Variants in NRG1 observed in about 807,000 individuals in gnomAD.
NRG1 encodes neuregulin 1.
Under a neutral mutation model 63.8 loss-of-function variants are expected in NRG1, and 18 were observed. That is an observed-to-expected ratio of 0.28 (90% confidence interval 0.19 to 0.42). The LOEUF is 0.42. NRG1 is among the 10% of genes least tolerant of loss of function. The pLI, the probability that NRG1 is intolerant of heterozygous loss-of-function variation, is 1.00. For synonymous variants in NRG1, 302 were observed against 301.3 expected (o/e 1.00, Z -0.02); for missense variants, 762 against 814.7 (o/e 0.94, Z 0.79).
chr8:32,705,132 A>AT (rs751755810), intron 5 of NRG1, among the ~76,000 whole-genome samples: 25,864 of 139,964 alleles, frequency 0.18, 2,595 homozygotes, highest in Non-Finnish European at 0.22. Context: ...GTGACAATGA[A>AT]TTTTTTTTTT....
intron 1 of NRG1, among the ~76,000 whole-genome samples, chr8:31,795,773 C>T (rs533371133): frequency 6.9e-4 from 105 of 152,098 alleles, no homozygotes; most frequent in African/African-American, 2.4e-3. Flanking sequence ...GGTTAAGGTG[C>T]TTAGGTTTCT....
intron 1 of NRG1, among the ~76,000 whole-genome samples, chr8:32,182,103 G>T (rs1392145325): frequency 6.6e-6 from 1 of 152,180 alleles, no homozygotes; most frequent in Non-Finnish European, 1.5e-5. Flanking sequence ...TGGCTGTTGT[G>T]AGGTTTCAGC....
intron 1 of NRG1, among the ~76,000 whole-genome samples, chr8:32,387,584 C>T (rs1329957140): frequency 6.6e-6 from 1 of 152,122 alleles, no homozygotes; most frequent in Non-Finnish European, 1.5e-5. Context: ...TTAGGAAACA[C>T]CTCCCAGATT....
chr8:32,517,223 T>C (rs1239947954), intron 1 of NRG1, among the ~76,000 whole-genome samples: 6 of 152,134 alleles, frequency 3.9e-5, no homozygotes, highest in Non-Finnish European at 7.4e-5. Flanking sequence ...ATAAAATACA[T>C]CAAATTCCTT....
chr8:32,016,528 G>A (rs1022419196), intron 1 of NRG1, among the ~76,000 whole-genome samples: 7 of 152,082 alleles, frequency 4.6e-5, no homozygotes, highest in Admixed American at 1.3e-4. Context: ...AATTACAAGA[G>A]ATTGCCTGAA....
intron 1 of NRG1, among the ~76,000 whole-genome samples, chr8:31,679,070 ATTTC>A (rs1289180821): frequency 6.6e-6 from 1 of 151,936 alleles, no homozygotes; most frequent in Non-Finnish European, 1.5e-5. Flanking sequence ...AGTACTCTAT[ATTTC>A]CTTGCGATAC....
intron 1 of NRG1, among the ~76,000 whole-genome samples, chr8:31,816,649 A>G (rs953875125): frequency 1.3e-5 from 2 of 152,214 alleles, no homozygotes; most frequent in African/African-American, 4.8e-5. Context: ...TCCAAGTCTC[A>G]GGAAGTTTGA....
chr8:32,232,970 T>C (rs1847115651), intron 1 of NRG1, among the ~76,000 whole-genome samples: 2 of 152,222 alleles, frequency 1.3e-5, no homozygotes, highest in Non-Finnish European at 2.9e-5. Flanking sequence ...AGCTAATTCA[T>C]GGTAGTTAAT....
chr8:32,042,689 C>G (rs1357442068), intron 1 of NRG1, among the ~76,000 whole-genome samples: 1 of 151,286 alleles, frequency 6.6e-6, no homozygotes, highest in Non-Finnish European at 1.5e-5. Context: ...AAGGTCTCAA[C>G]AAAGAAATAA....
At position 32,652,384 on chromosome 8, in the gene NRG1, C is replaced by T. The variant is rs375772354; in HGVS notation, c.502+35499C>T. ...ATGGGTTGCCTAGGGTGAGTTCTTCCCTCATATATAGCAGATTGCTCTGTG... is the reference window on the plus strand; with the variant it reads ...ATGGGTTGCCTAGGGTGAGTTCTTCTCTCATATATAGCAGATTGCTCTGTG... On this transcript the variant is annotated intron_variant, in intron 5 of 11. Coordinates refer to ENST00000356819, the Ensembl canonical transcript of NRG1. Among the ~76,000 whole-genome samples, 6 of 152,064 alleles carry T rather than the reference C, an allele frequency of 3.9e-5. No homozygotes were observed. In the South Asian group the frequency reaches 1.2e-3, roughly 32 times the overall value.
At chr8:32,376,531 T>G (rs554407907) in intron 1 of NRG1, among the ~76,000 whole-genome samples, 1 of 152,310 alleles carries the variant, frequency 6.6e-6, no homozygotes, top group South Asian at 2.1e-4. Context: ...CAGAGGTTAA[T>G]ACATATGCTT....
chr8:32,116,552 T>G (rs758107080), intron 1 of NRG1, among the ~76,000 whole-genome samples: 2 of 151,874 alleles, frequency 1.3e-5, no homozygotes, highest in African/African-American at 2.4e-5. Context: ...TAGGCAAGAG[T>G]AAGTGGTTTA....
intron 1 of NRG1, among the ~76,000 whole-genome samples, chr8:32,352,499 C>G (rs2129479912): frequency 6.6e-6 from 1 of 152,242 alleles, no homozygotes; most frequent in Middle Eastern, 3.4e-3. Flanking sequence ...ACTTTTCTCA[C>G]TGGGCAAGCA....
upstream of NRG1, among the ~76,000 whole-genome samples, chr8:32,547,623 A>ACG (rs1450615210): frequency 7.2e-6 from 1 of 139,108 alleles, no homozygotes; most frequent in Admixed American, 7.2e-5. Flanking sequence ...ACACACACAC[A>ACG]CACGCACACG....
At chr8:32,048,285 A>G (rs987733562) in intron 1 of NRG1, among the ~76,000 whole-genome samples, 1 of 150,770 alleles carries the variant, frequency 6.6e-6, no homozygotes. Context: ...ATGTATACAT[A>G]CATGTACATA....
At chr8:32,054,501 AC>A (rs1822518959) in intron 1 of NRG1, among the ~76,000 whole-genome samples, 2 of 152,218 alleles carry the variant, frequency 1.3e-5, no homozygotes, top group South Asian at 2.1e-4. Context: ...CTCCAAGGAT[AC>A]CCAAATGCGT....
At chr8:32,152,636 CATT>C (rs1281813126) in intron 1 of NRG1, among the ~76,000 whole-genome samples, 31 of 152,210 alleles carry the variant, frequency 2.0e-4, no homozygotes, top group African/African-American at 7.2e-4. Flanking sequence ...TACAGGAAGA[CATT>C]ATGTTTCACA....
chr8:32,439,098 C>T (rs867048110), intron 1 of NRG1, among the ~76,000 whole-genome samples: 14 of 152,170 alleles, frequency 9.2e-5, no homozygotes, highest in Middle Eastern at 3.4e-3. Flanking sequence ...GATAGAAAAA[C>T]TTGTCCTAGA....
rs552974686 is a variant in NRG1 at position 32,064,673 on chromosome 8, A to T, written c.37+425242A>T. Reference sequence around the variant, plus strand: ...TATTTGCTAAGACCAGACTGGCCGAAGCTAATCCTTTTGGGAATAGCCTTA... The same window carrying T: ...TATTTGCTAAGACCAGACTGGCCGATGCTAATCCTTTTGGGAATAGCCTTA... On this transcript the variant is annotated intron_variant, in intron 1 of 10. Coordinates refer to the NRG1 transcript ENST00000519301. Among the ~76,000 whole-genome samples, 77 of 152,270 alleles carry T rather than the reference A, an allele frequency of 5.1e-4. 1 individual carries two copies. The highest frequency in any genetic ancestry group is 1.7e-3 in the African/African-American group (71 of 41,564).
Sources: allele counts gnomAD v4.1 joint callset (sites outside exome capture counted in the v4.1 genomes callset), GRCh38; gene constraint gnomAD v4.1.1; transcripts MANE v1.5; gene names NCBI Gene and HGNC (gene_info 2026-07-23, HGNC 2026-07-21).